Variants in CADPS observed in about 807,000 individuals in gnomAD.
CADPS encodes calcium dependent secretion activator.
CADPS carries 57 observed loss-of-function variants against 167.3 expected under a neutral mutation model. The observed-to-expected ratio is 0.34, with a 90% CI of 0.28 to 0.42. The LOEUF is 0.42. Among genes scored for constraint, CADPS ranks in the 20% least tolerant of loss-of-function variants. CADPS has a pLI of 1.00. For synonymous variants in CADPS, 676 were observed against 635.3 expected (o/e 1.06, Z -0.96); for missense variants, 1,414 against 1,738.1 (o/e 0.81, Z 3.32).
intron 1 of CADPS, among the ~76,000 whole-genome samples, chr3:62,799,832 C>T (rs1195920563): frequency 5.3e-5 from 8 of 152,114 alleles, no homozygotes; most frequent in African/African-American, 1.7e-4. Flanking sequence ...AGTGATTATC[C>T]ATGATATTTC....
At chr3:62,443,933 C>T (rs1244881013) in intron 27 of CADPS, among the ~76,000 whole-genome samples, 1 of 152,152 alleles carries the variant, frequency 6.6e-6, no homozygotes, top group African/African-American at 2.4e-5. Context: ...TACTGCCCTC[C>T]CATCTTTATA....
Position 62,516,154 on chromosome 3 carries a change from A to G in CADPS, c.2486T>C (p.Val829Ala). The G allele has an allele frequency of 1.9e-6, 3 of 1,613,228 alleles. No individual in the cohort carries two copies. The highest frequency in any genetic ancestry group is 1.1e-5 in the South Asian group (1 of 91,050). ...RVLMKDIVTP[V>A]PQEEVKTVIR... ...AACTGTTTTTACCTCCTCTTGTGGC[A>G]CTGGGGTAACAATATCTTTCATCAA... Residue 829 changes from valine to alanine, a missense_variant, in exon 16 of 30, where the codon GTG becomes GCG. By Grantham distance (64) the Val-to-Ala change is moderately conservative. Around this residue, in one of 6 missense-constraint regions of CADPS, gnomAD observed 529 missense variants for 629.6 expected, o/e 0.84. Coordinates refer to ENST00000383710, the MANE Select transcript of CADPS (RefSeq NM_003716.4).
intron 3 of CADPS, among the ~76,000 whole-genome samples, chr3:62,689,442 G>A (rs961957939): frequency 1.3e-5 from 2 of 152,058 alleles, no homozygotes; most frequent in African/African-American, 4.8e-5. Context: ...AAGTGTGCAA[G>A]GAGAAGCAAA....
chr3:62,546,519 T>G (rs1250562410), intron 11 of CADPS, among the ~76,000 whole-genome samples: 1 of 152,140 alleles, frequency 6.6e-6, no homozygotes, highest in Non-Finnish European at 1.5e-5. Flanking sequence ...ACAGCAGCTG[T>G]GAAGTAATTA....
intron 3 of CADPS, among the ~76,000 whole-genome samples, chr3:62,678,739 T>C (rs1010768250): frequency 3.3e-5 from 5 of 152,106 alleles, no homozygotes; most frequent in African/African-American, 9.7e-5. Context: ...AGAGAAACCA[T>C]GTTGACCTAA....
chr3:62,476,255 C>T (rs1480715954), intron 23 of CADPS, among the ~76,000 whole-genome samples: 2 of 152,284 alleles, frequency 1.3e-5, no homozygotes, highest in South Asian at 4.1e-4. Context: ...ACAAGGGACA[C>T]AGAATCTGTT....
At chr3:62,479,820 T>C (rs986725089) in intron 22 of CADPS, among the ~76,000 whole-genome samples, 3 of 152,234 alleles carry the variant, frequency 2.0e-5, no homozygotes, top group Admixed American at 2.0e-4. Flanking sequence ...GATACTGCCG[T>C]GAGCATTGTT....
intron 6 of CADPS, among the ~76,000 whole-genome samples, chr3:62,629,135 A>G (rs2064753888): frequency 6.6e-6 from 1 of 152,118 alleles, no homozygotes; most frequent in African/African-American, 2.4e-5. Flanking sequence ...GTGAGAGATC[A>G]TTTACATATC....
Position 62,870,483 on chromosome 3 carries a change from A to G in CADPS, c.441+4106T>C, listed in dbSNP as rs370957817. On this transcript the variant is annotated intron_variant, in intron 1 of 29. Coordinates refer to ENST00000383710, the MANE Select transcript of CADPS (RefSeq NM_003716.4). ...TGCCCAAATAAGCCCAAGTAAATGA[A>G]TAAGGAAAGAATTTCTATGGCTATG... Among the ~76,000 whole-genome samples, 3 of 152,296 alleles carry G rather than the reference A, an allele frequency of 2.0e-5. No homozygotes were observed. The East Asian group carries it at 5.8e-4, about 29-fold the overall frequency.
intron 28 of CADPS, among the ~76,000 whole-genome samples, chr3:62,418,773 CT>C (rs1166080729): frequency 1.5e-4 from 23 of 152,104 alleles, no homozygotes; most frequent in Admixed American, 4.6e-4. Flanking sequence ...ACCTTCCCCC[CT>C]CTATCTCTTT....
At chr3:62,599,532 T>A (rs1578510464) in intron 6 of CADPS, among the ~76,000 whole-genome samples, 1 of 106,146 alleles carries the variant, frequency 9.4e-6, no homozygotes, top group East Asian at 2.4e-4. Flanking sequence ...ACATATATAT[T>A]ATATATATTA....
intron 29 of CADPS, among the ~76,000 whole-genome samples, chr3:62,402,383 C>G (rs1017083924): frequency 2.6e-5 from 4 of 152,044 alleles, no homozygotes; most frequent in African/African-American, 9.7e-5. Flanking sequence ...TGTTTTAAAA[C>G]CCTCTATGGT....
intron 28 of CADPS, among the ~76,000 whole-genome samples, chr3:62,423,298 G>A (rs1394083322): frequency 1.3e-5 from 2 of 152,204 alleles, no homozygotes; most frequent in East Asian, 3.9e-4. Flanking sequence ...TTTTCATTAA[G>A]GGGTCTCTCT....
intron 1 of CADPS, among the ~76,000 whole-genome samples, chr3:62,840,560 T>C (rs191981857): frequency 6.6e-6 from 1 of 152,260 alleles, no homozygotes; most frequent in Non-Finnish European, 1.5e-5. Context: ...TGTATGTGTA[T>C]ACTTTTTTAT....
At chr3:62,418,812 TGAAA>T (rs1416667272) in intron 28 of CADPS, among the ~76,000 whole-genome samples, 9 of 152,096 alleles carry the variant, frequency 5.9e-5, no homozygotes, top group Non-Finnish European at 1.3e-4. Context: ...CCTCCTGCCT[TGAAA>T]GAAAGAATCT....
At chr3:62,415,480 A>AC (rs987238320) in intron 28 of CADPS, among the ~76,000 whole-genome samples, 26 of 150,336 alleles carry the variant, frequency 1.7e-4, no homozygotes, top group African/African-American at 5.4e-4. Context: ...TGTAGCCCCC[A>AC]CCCCCCCAAC....
At chr3:62,666,184 T>C (rs2074365796) in intron 3 of CADPS, among the ~76,000 whole-genome samples, 1 of 152,176 alleles carries the variant, frequency 6.6e-6, no homozygotes, top group South Asian at 2.1e-4. Flanking sequence ...CGAGTCCCCT[T>C]GCTCTGTTAG....
Position 62,479,263 on chromosome 3 carries a change from C to A in CADPS, c.3174-847G>T, listed in dbSNP as rs112016263. Among the ~76,000 whole-genome samples, 7 of 152,300 alleles carry A rather than the reference C, an allele frequency of 4.6e-5. 1 individual carries two copies. Among genetic ancestry groups the A allele is most frequent in the African/African-American group, 1.7e-4 (7 of 41,552 alleles). On this transcript the variant is annotated intron_variant, in intron 22 of 29. Transcript: ENST00000383710. ...TTTACCTGGGGCATCTACAAAAAGC[C>A]TGTGTATGAAAAATGCTCCATCTCT...
intron 1 of CADPS, among the ~76,000 whole-genome samples, chr3:62,843,704 G>C (rs967191019): frequency 1.3e-5 from 2 of 152,114 alleles, no homozygotes; most frequent in Non-Finnish European, 2.9e-5. Context: ...GCTAGAAGGA[G>C]GAAGGAGGCA....
Sources: gnomAD v4.1 joint callset for allele counts (sites outside exome capture counted in the v4.1 genomes callset) on GRCh38, gnomAD v4.1.1 for gene constraint, gnomAD v4.1.1 regional missense constraint, MANE v1.5 for transcripts, NCBI Gene and HGNC (gene_info 2026-07-23, HGNC 2026-07-21) for gene names.